TICRR: variants seen among roughly 807,000 people sequenced by gnomAD.
TICRR encodes the protein TOPBP1 interacting checkpoint and replication regulator.
In TICRR, 132 loss-of-function variants were observed where a neutral mutation model predicts 178.1. The ratio of observed to expected loss-of-function variants is 0.74; its 90% CI spans 0.64 to 0.86. The LOEUF (loss-of-function observed/expected upper bound fraction) is 0.86. TICRR is among the 40% of genes least tolerant of loss of function. The pLI, the probability that TICRR is intolerant of heterozygous loss-of-function variation, is 0.00. For missense variants in TICRR, 2,587 were observed against 2,334.3 expected (o/e 1.11, Z -2.23); for synonymous variants, 991 against 900.7 (o/e 1.10, Z -1.79).
chr15:89,580,073 A>C (rs1962697436), intron 1 of TICRR: 1 of 152,190 alleles, frequency 6.6e-6, no homozygotes, highest in Non-Finnish European at 1.5e-5. Flanking sequence ...GCTGGAGTGC[A>C]GTGGTACAAT....
chr15:89,603,540 G>A (rs183861824), intron 13 of TICRR, among the ~76,000 whole-genome samples: 8 of 152,328 alleles, frequency 5.3e-5, no homozygotes, highest in African/African-American at 7.2e-5. Context: ...AGCTATGGTC[G>A]TGCCACTGCA....
At position 89,624,665 on chromosome 15, in the gene TICRR, C is replaced by T. The variant is rs1963483271; in HGVS notation, c.4355C>T (p.Ser1452Phe). ...GPGLRSDWHA[S>F]SPLLITSDTE... is the part of the protein sequence containing the mutation. Reference sequence around the variant, plus strand: ...GGTCTCAGGAGTGATTGGCATGCATCCTCTCCTCTGCTCATTACAAGTGAC... The same window carrying T: ...GGTCTCAGGAGTGATTGGCATGCATTCTCTCCTCTGCTCATTACAAGTGAC... The change falls in exon 20 of 22, where the codon TCC becomes TTC. Residue 1452 changes from serine to phenylalanine, a missense_variant. Transcript: ENST00000268138. 2 of 1,614,080 alleles carry T rather than the reference C, an allele frequency of 1.2e-6. No homozygotes were observed. The highest frequency in any genetic ancestry group is 1.7e-6 in the Non-Finnish European group (2 of 1,180,028).
chr15:89,602,244 A>T (rs1328658272), intron 12 of TICRR, among the ~76,000 whole-genome samples: 1 of 152,224 alleles, frequency 6.6e-6, no homozygotes, highest in African/African-American at 2.4e-5. Context: ...TGTTGTACTA[A>T]CATCAGAGTG....
At chr15:89,579,913 C>T (rs1455857630) in intron 1 of TICRR, 2 of 152,198 alleles carry the variant, frequency 1.3e-5, no homozygotes, top group Non-Finnish European at 2.9e-5. Context: ...ATAAATTACC[C>T]AGTTTCAGCT....
At position 89,575,755 on chromosome 15, in the gene TICRR, A is replaced by G; in HGVS notation, c.169A>G (p.Ser57Gly). Residue 57 changes from serine (S) to glycine (G), a missense_variant, in exon 1 of 22, where the codon AGC (serine) becomes GGC (glycine). By Grantham distance (56) the Ser-to-Gly change is moderately conservative. Coordinates refer to ENST00000268138, the MANE Select transcript of TICRR (RefSeq NM_152259.4). ...FKFFDSQGAR[S>G]RPSRVSDFRE... ...GTTCTTTGACTCGCAGGGGGCGCGG[A>G]GCCGGCCGTCCCGCGTGTCTGACTT... 1.2e-6 allele frequency: 2 copies of G among 1,609,418 alleles called. No individual in the cohort carries two copies. Among genetic ancestry groups the G allele is most frequent in the Non-Finnish European group, 1.7e-6 (2 of 1,178,852 alleles).
At position 89,624,961 on chromosome 15, in the gene TICRR, A is replaced by G; in HGVS notation, c.4651A>G (p.Thr1551Ala). 6.2e-7 allele frequency: 1 copy of G among 1,613,990 alleles called. No homozygotes were observed. The highest frequency in any genetic ancestry group is 8.5e-7 in the Non-Finnish European group (1 of 1,179,974). Reference sequence around the variant, plus strand: ...CCTGCCAGCATCAGCTTGGCATTCCACAGACTCTGCCAGCCCACAGACCTA... The same window carrying G: ...CCTGCCAGCATCAGCTTGGCATTCCGCAGACTCTGCCAGCCCACAGACCTA... ...DNLPASAWHS[T>A]DSASPQTYEV... Residue 1551 changes from threonine to alanine, a missense_variant, in exon 20 of 22, where the codon ACA (threonine) becomes GCA (alanine). Physicochemically the swap from Thr to Ala is moderately conservative, Grantham distance 58. Transcript: ENST00000268138.
chr15:89,599,696 A>G (rs780926122), intron 8 of TICRR, among the ~76,000 whole-genome samples: 1 of 152,244 alleles, frequency 6.6e-6, no homozygotes, highest in Non-Finnish European at 1.5e-5. Flanking sequence ...GGATAATTAC[A>G]TATAATTCTC....
intron 7 of TICRR, 120 bp from the exon 8 acceptor site, chr15:89,599,204 C>T: frequency 1.3e-6 from 1 of 746,822 alleles, no homozygotes; most frequent in Non-Finnish European, 2.0e-6. Context: ...CATGACAATC[C>T]AGACAAGGCC....
rs1963548670 is a variant in TICRR, at chr15:89,627,235, T to C, written c.*149T>C. ...CCTTAGGGTTTTCTAATTCCCCTTATGGATCCAATCCATCTCCTGGCCCTG... is the reference window on the plus strand; with the variant it reads ...CCTTAGGGTTTTCTAATTCCCCTTACGGATCCAATCCATCTCCTGGCCCTG... On this transcript the variant is annotated 3_prime_UTR_variant, in exon 22 of 22. Transcript: ENST00000268138. The C allele has an allele frequency of 1.3e-5, 12 of 934,480 alleles. No homozygotes were observed. Among genetic ancestry groups the C allele is most frequent in the Admixed American group, 2.7e-5 (1 of 37,020 alleles). The allele number at this position is 934,480 out of a possible 1,614,324, so 57.9% of individuals were successfully genotyped here.
chr15:89,592,064 T>C lies in TICRR; in HGVS notation c.1429T>C (p.Trp477Arg). The change falls in exon 5 of 22, where the codon TGG becomes CGG. Residue 477 changes from tryptophan to arginine, a missense_variant. Physicochemically the swap from Trp to Arg is moderately radical, Grantham distance 101 (BLOSUM62 -3). Coordinates refer to ENST00000268138, the MANE Select transcript of TICRR (RefSeq NM_152259.4). ...TCCAATAGCTTCTCCTGTTCCAGAG[T>C]GGGCCCAGCAGGAGCTTGGCCACAC... ...TASAASPVPE[W>R]AQQELGHTTP... is the part of the protein sequence containing the mutation. 6.2e-7 allele frequency: 1 copy of C among 1,611,140 alleles called. No homozygotes were observed. Among genetic ancestry groups the C allele is most frequent in the Non-Finnish European group, 8.5e-7 (1 of 1,177,698 alleles).
At chr15:89,597,440 G>A (rs1028378993) in intron 7 of TICRR, among the ~76,000 whole-genome samples, 17 of 151,362 alleles carry the variant, frequency 1.1e-4, no homozygotes, top group South Asian at 4.2e-4. Context: ...CATGAGAATC[G>A]CTTGATCCCG....
At chr15:89,583,768 C>G (rs1278780437) in intron 2 of TICRR, among the ~76,000 whole-genome samples, 1 of 152,086 alleles carries the variant, frequency 6.6e-6, no homozygotes, top group Non-Finnish European at 1.5e-5. Flanking sequence ...GCTCACTGAG[C>G]CTCGACTTCC....
rs1567055166 is a variant in TICRR at position 89,627,241 on chromosome 15, C to T, written c.*155C>T. ...GGTTTTCTAATTCCCCTTATGGATCCAATCCATCTCCTGGCCCTGCCCCTT... is the reference window on the plus strand; with the variant it reads ...GGTTTTCTAATTCCCCTTATGGATCTAATCCATCTCCTGGCCCTGCCCCTT... On this transcript the variant is annotated 3_prime_UTR_variant, in exon 22 of 22. Coordinates refer to ENST00000268138, the MANE Select transcript of TICRR (RefSeq NM_152259.4). 4 of 859,488 alleles carry T rather than the reference C, an allele frequency of 4.7e-6. No individual in the cohort carries two copies. Among genetic ancestry groups the T allele is most frequent in the Non-Finnish European group, 7.0e-6 (4 of 571,494 alleles). The allele number at this position is 859,488 out of a possible 1,614,324, so 53.2% of individuals were successfully genotyped here. A position where few individuals can be genotyped will look rare whatever the true frequency, so the allele number is the denominator to read the frequency against.
At chr15:89,622,827 G>A (rs774594618) in intron 19 of TICRR, among the ~76,000 whole-genome samples, 2 of 152,128 alleles carry the variant, frequency 1.3e-5, no homozygotes, top group African/African-American at 4.8e-5. Flanking sequence ...CACTTTTCCT[G>A]TGTTTGCCTT....
rs1045410279 is a variant in TICRR, at chr15:89,627,883, C to A, written c.*797C>A. 1.3e-5 allele frequency: 2 copies of A among 152,652 alleles called. No homozygotes were observed. Among genetic ancestry groups the A allele is most frequent in the Non-Finnish European group, 2.9e-5 (2 of 68,482 alleles). The allele number at this position is 152,652 out of a possible 1,614,324, so 9.5% of individuals were successfully genotyped here. Reference sequence around the variant, plus strand: ...TGAGGGCTGACTCTGAACTGTCTCTCAGTCTCCAGAAAGTGTTCAAGCCTG... The same window carrying A: ...TGAGGGCTGACTCTGAACTGTCTCTAAGTCTCCAGAAAGTGTTCAAGCCTG... On this transcript the variant is annotated 3_prime_UTR_variant, in exon 22 of 22. Coordinates refer to ENST00000268138, the MANE Select transcript of TICRR (RefSeq NM_152259.4).
At position 89,625,933 on chromosome 15, in the gene TICRR, T is replaced by C. The variant is rs760361383; in HGVS notation, c.5477-3T>C. The C allele has an allele frequency of 8.9e-6, 14 of 1,568,254 alleles. 1 individual carries two copies. In the South Asian group the frequency reaches 1.6e-4, roughly 18 times the overall value. On this transcript the variant is annotated splice_polypyrimidine_tract_variant and splice_region_variant and intron_variant, in intron 20 of 21. Transcript: ENST00000268138. Reference sequence around the variant, plus strand: ...CTGCTCTTACTATGTGGGATCTCTTTAGGCTCCACCCCACCTCCCAGCTGT... The same window carrying C: ...CTGCTCTTACTATGTGGGATCTCTTCAGGCTCCACCCCACCTCCCAGCTGT...
intron 7 of TICRR, among the ~76,000 whole-genome samples, chr15:89,597,615 A>G (rs1963020261): frequency 6.6e-6 from 1 of 152,038 alleles, no homozygotes; most frequent in African/African-American, 2.4e-5. Context: ...TTTTGCTAAT[A>G]TCACACAAAC....
rs1204338746 is a variant in TICRR at position 89,624,985 on chromosome 15, T to A, written c.4675T>A (p.Tyr1559Asn). 1 of 1,614,064 alleles carries A rather than the reference T, an allele frequency of 6.2e-7. No homozygotes were observed. Among genetic ancestry groups the A allele is most frequent in the Non-Finnish European group, 8.5e-7 (1 of 1,180,014 alleles). ...HSTDSASPQTYEVELEMQASG... is the reference protein window; with the variant it reads ...HSTDSASPQTNEVELEMQASG... ...CACAGACTCTGCCAGCCCACAGACC[T>A]ATGAGGTTGAGCTGGAGATGCAAGC... Residue 1559 changes from tyrosine (Y) to asparagine (N), a missense_variant, in exon 20 of 22, where the codon TAT (tyrosine) becomes AAT (asparagine). Transcript: ENST00000268138.
intron 15 of TICRR, among the ~76,000 whole-genome samples, chr15:89,614,061 G>A (rs912517366): frequency 2.0e-5 from 3 of 152,122 alleles, no homozygotes; most frequent in Admixed American, 6.5e-5. Flanking sequence ...GGCTGAGGCA[G>A]GAGAATGGCG....
Sources: gnomAD v4.1 joint callset for allele counts (sites outside exome capture counted in the v4.1 genomes callset) on GRCh38, gnomAD v4.1.1 for gene constraint, MANE v1.5 for transcripts, NCBI Gene and HGNC (gene_info 2026-07-23, HGNC 2026-07-21) for gene names.